MYO7B: variants seen among roughly 807,000 people sequenced by gnomAD.
The protein encoded by MYO7B is unconventional myosin-VIIb.
In MYO7B, 212 loss-of-function variants were observed where a neutral mutation model predicts 259.7. The ratio of observed to expected loss-of-function variants is 0.82; its 90% CI spans 0.73 to 0.91. The LOEUF (loss-of-function observed/expected upper bound fraction) is 0.91. Ranked by LOEUF, MYO7B falls within the 40% of genes least tolerant of loss-of-function variation. MYO7B has a pLI of 0.00. For missense variants in MYO7B, 2,732 were observed against 2,813.5 expected (o/e 0.97, Z 0.66); for synonymous variants, 1,197 against 1,166.4 (o/e 1.03, Z -0.54).
chr2:127,580,149 A>C (rs1573648097), intron 9 of MYO7B, among the ~76,000 whole-genome samples: 1 of 151,900 alleles, frequency 6.6e-6, no homozygotes. Flanking sequence ...TTTATCTCCA[A>C]TTTTTTTCAG....
At chr2:127,544,571 G>A (rs56041272) in intron 1 of MYO7B, among the ~76,000 whole-genome samples, 1 of 141,696 alleles carries the variant, frequency 7.1e-6, no homozygotes, top group African/African-American at 2.7e-5. Flanking sequence ...ACCACGTCTG[G>A]CTAATTTTTT....
chr2:127,588,934 T>C (rs1679418842), intron 15 of MYO7B, among the ~76,000 whole-genome samples: 1 of 143,770 alleles, frequency 7.0e-6, no homozygotes, highest in Non-Finnish European at 1.5e-5. Context: ...GATGGACGGG[T>C]GAATGGGTGG....
In MYO7B at chr2:127,593,590, G is replaced by A. The variant is rs369989229; in HGVS notation, c.2190G>A (p.Val730=). Residue 730 remains valine (V), a synonymous_variant, in exon 18 of 48, where the codon GTG becomes GTA. Transcript: ENST00000409816. ...AGATGACCCTGGGCATCACTGACGT[G>A]TGGCTGCGGACAGACAAAGACTGGA... ...LRQMTLGITD[V]WLRTDKDWKA... 7 of 1,613,604 alleles carry A rather than the reference G, an allele frequency of 4.3e-6. No homozygotes were observed. In the African/African-American group the frequency reaches 9.3e-5, roughly 22 times the overall value.
chr2:127,552,464 C>T (rs1453559497), intron 1 of MYO7B, among the ~76,000 whole-genome samples: 1 of 152,014 alleles, frequency 6.6e-6, no homozygotes, highest in Admixed American at 6.6e-5. Context: ...CGGTGGAGGC[C>T]ACAGCTTCTG....
rs1445971688 is a variant in MYO7B, at chr2:127,539,004, G to A, written c.-24+3173G>A. Among the ~76,000 whole-genome samples, 1 of 152,156 alleles carries A rather than the reference G, an allele frequency of 6.6e-6. No individual in the cohort carries two copies. The highest frequency in any genetic ancestry group is 2.4e-5 in the African/African-American group (1 of 41,418). On this transcript the variant is annotated intron_variant, in intron 1 of 47. Transcript: ENST00000409816. This position sits in a 1 kb window ranked among gnomAD's most constrained non-coding sequence, Gnocchi z 4.0. ...TTTTACAGATCAAACTAATGAGCAGGTGCTGGAAAACTTTCAGCACAGTGT... is the reference window on the plus strand; with the variant it reads ...TTTTACAGATCAAACTAATGAGCAGATGCTGGAAAACTTTCAGCACAGTGT...
Position 127,581,878 on chromosome 2 carries a change from C to T in MYO7B, c.1081-13C>T. ...CTCCACAGGTGCGACGCAGCCCCCA[C>T]CTGCCTCCCCAGGTGCAGCACCAGG... is the stretch of plus-strand genomic sequence containing the variant. On this transcript the variant is annotated splice_polypyrimidine_tract_variant and intron_variant, in intron 10 of 47. Transcript: ENST00000409816. 2 of 1,613,456 alleles carry T rather than the reference C, an allele frequency of 1.2e-6. No individual in the cohort carries two copies. The highest frequency in any genetic ancestry group is 1.7e-6 in the Non-Finnish European group (2 of 1,179,784).
chr2:127,623,577 A>G (rs1298231873), intron 29 of MYO7B, among the ~76,000 whole-genome samples: 2 of 152,042 alleles, frequency 1.3e-5, no homozygotes, highest in African/African-American at 2.4e-5. Flanking sequence ...CCGCACTCAT[A>G]TGGTCACCTT....
intron 1 of MYO7B, among the ~76,000 whole-genome samples, chr2:127,545,788 C>T (rs953600079): frequency 3.3e-5 from 5 of 152,224 alleles, no homozygotes; most frequent in Non-Finnish European, 7.3e-5. Context: ...GCCCGGTGAA[C>T]GCCCAGTAAG....
At chr2:127,593,784 C>A (rs1679661972) in intron 18 of MYO7B, 140 bp downstream of exon 18, 2 of 733,682 alleles carry the variant, frequency 2.7e-6, no homozygotes, top group Non-Finnish European at 4.7e-6. Flanking sequence ...GGTCCCCACC[C>A]TCAGGGCACC....
At position 127,569,967 on chromosome 2, in the gene MYO7B, C is replaced by G. The variant is rs1464143580; in HGVS notation, c.592+57C>G. 4 of 1,555,010 alleles carry G rather than the reference C, an allele frequency of 2.6e-6. No homozygotes were observed. The Admixed American group carries it at 7.5e-5, about 29-fold the overall frequency. On this transcript the variant is annotated intron_variant, in intron 6 of 47. Transcript: ENST00000409816. ...CCCAGCCCCCCTGGAGCCTTCCTGC[C>G]AGGTAGGACCATGGGGAGGGACAGG... is the stretch of plus-strand genomic sequence containing the variant.
chr2:127,551,824 C>A (rs901635561), intron 1 of MYO7B, among the ~76,000 whole-genome samples: 1 of 152,080 alleles, frequency 6.6e-6, no homozygotes, highest in African/African-American at 2.4e-5. Flanking sequence ...AGGTGTTCTG[C>A]GGAGTGGGTG....
At chr2:127,625,092 GTCAC>G (rs1312769276) in intron 30 of MYO7B, among the ~76,000 whole-genome samples, 1 of 152,204 alleles carries the variant, frequency 6.6e-6, no homozygotes, top group East Asian at 1.9e-4. Context: ...GAAACGCCTT[GTCAC>G]TCAGAGCAAC....
At chr2:127,632,825 G>A (rs116064998) in intron 39 of MYO7B, among the ~76,000 whole-genome samples, 8,981 of 152,264 alleles carry the variant, frequency 0.059, 349 homozygotes, top group East Asian at 0.14. Flanking sequence ...CCTCTGGCTT[G>A]GCCTCCTGTG....
intron 47 of MYO7B, 93 bp downstream of exon 47, chr2:127,637,006 A>G: frequency 6.4e-7 from 1 of 1,555,200 alleles, no homozygotes; most frequent in Non-Finnish European, 8.7e-7. Flanking sequence ...GTGGCTCACT[A>G]AGAGGGCTCA....
At chr2:127,635,253 A>G (rs771425579) in intron 43 of MYO7B, 27 bp downstream of exon 43, 10 of 1,578,156 alleles carry the variant, frequency 6.3e-6, no homozygotes, top group African/African-American at 1.3e-5. Flanking sequence ...CCTGGTGGGC[A>G]CTGGGGCCAC....
intron 1 of MYO7B, among the ~76,000 whole-genome samples, chr2:127,558,751 T>C (rs1160342888): frequency 6.6e-6 from 1 of 152,136 alleles, no homozygotes; most frequent in African/African-American, 2.4e-5. Context: ...GCAACCTGGA[T>C]GGGATTGTAG....
chr2:127,584,267 G>C lies in MYO7B; in HGVS notation c.1489G>C (p.Asp497His). 1 of 1,613,994 alleles carries C rather than the reference G, an allele frequency of 6.2e-7. No homozygotes were observed. The highest frequency in any genetic ancestry group is 2.2e-5 in the East Asian group (1 of 44,876). ...IHYTDNRPTL[D>H]LLALKPMSII... ...CTACACCGACAATCGGCCCACCCTG[G>C]ACCTGCTGGCCCTCAAGCCCATGAG... is the stretch of plus-strand genomic sequence containing the variant. The change falls in exon 13 of 48, where the codon GAC (aspartate) becomes CAC (histidine). Residue 497 changes from aspartate (D) to histidine (H), a missense_variant. Coordinates refer to ENST00000409816, the MANE Select transcript of MYO7B (RefSeq NM_001393586.1). This position sits in a 1 kb window ranked among gnomAD's most constrained non-coding sequence, Gnocchi z 5.8.
intron 2 of MYO7B, 133 bp from the exon 3 acceptor site, chr2:127,564,020 G>A (rs1678215108): frequency 3.2e-6 from 2 of 615,684 alleles, no homozygotes; most frequent in Admixed American, 3.0e-5. Flanking sequence ...GGGGAGGAGA[G>A]GAAAGGAGAG....
At position 127,636,793 on chromosome 2, in the gene MYO7B, G is replaced by A. The variant is rs1158375799; in HGVS notation, c.6208-1G>A. Reference sequence around the variant, plus strand: ...GGCCCACCCACCCTCTCTGCCCCCAGGACCTGCTCACCACCTATCCCTTCA... The same window carrying A: ...GGCCCACCCACCCTCTCTGCCCCCAAGACCTGCTCACCACCTATCCCTTCA... On this transcript the variant is annotated splice_acceptor_variant, in intron 46 of 47. Coordinates refer to ENST00000409816, the MANE Select transcript of MYO7B (RefSeq NM_001393586.1). LOFTEE classifies it high-confidence loss of function. This position sits in a 1 kb window ranked among gnomAD's most constrained non-coding sequence, Gnocchi z 4.5. 7 of 1,108,024 alleles carry A rather than the reference G, an allele frequency of 6.3e-6. No homozygotes were observed. The highest frequency in any genetic ancestry group is 9.0e-6 in the Non-Finnish European group (7 of 777,656). 68.6% of individuals were successfully genotyped at this position (1,108,024 alleles called of 1,614,324 possible).
Sources: gnomAD v4.1 joint callset for allele counts (sites outside exome capture counted in the v4.1 genomes callset) on GRCh38, gnomAD v4.1.1 for gene constraint, Gnocchi (gnomAD v3.1) non-coding constraint, MANE v1.5 for transcripts, NCBI Gene and HGNC (gene_info 2026-07-23, HGNC 2026-07-21) for gene names.